Variants in NFIL3 observed in about 807,000 individuals in gnomAD.
NFIL3 encodes nuclear factor, interleukin 3 regulated, also known as nuclear factor interleukin-3-regulated protein.
In NFIL3, 5 loss-of-function variants were observed where a neutral mutation model predicts 10.0. The ratio of observed to expected loss-of-function variants is 0.50; its 90% CI spans 0.26 to 1.06. The LOEUF (loss-of-function observed/expected upper bound fraction) is 1.06. NFIL3 is among the 50% of genes least tolerant of loss of function. NFIL3 has a pLI of 0.13. For synonymous variants in NFIL3, 202 were observed against 206.5 expected, an observed-to-expected ratio of 0.98 and a Z score of 0.19; for missense variants, 436 against 547.6, an observed-to-expected ratio of 0.80 and a Z score of 2.03.
At chr9:91,435,496 AACTTGAGTGCCATTTCATCATGGTCCTC>A in the NFIL3 span, among the ~76,000 whole-genome samples, 1 of 152,174 alleles carries the variant, frequency 6.6e-6, no homozygotes, top group Non-Finnish European at 1.5e-5. Context: ...GTTGAAATGG[AACTTGAGTGCCATTTCATCATGGTCCTC>A]ATGAAGCCTG....
At chr9:91,469,689 T>A in the NFIL3 span, among the ~76,000 whole-genome samples, 1 of 152,196 alleles carries the variant, frequency 6.6e-6, no homozygotes, top group Non-Finnish European at 1.5e-5. Flanking sequence ...GCTCTTATTA[T>A]TTTGAGATAC....
At chr9:91,474,087 T>G in the NFIL3 span, among the ~76,000 whole-genome samples, 7 of 85,080 alleles carry the variant, frequency 8.2e-5, no homozygotes, top group Non-Finnish European at 1.4e-4. Flanking sequence ...AGGGTTTTTG[T>G]TTTTTTTTTT....
chr9:91,439,492 C>G, the NFIL3 span, among the ~76,000 whole-genome samples: 6 of 149,692 alleles, frequency 4.0e-5, no homozygotes, highest in African/African-American at 1.5e-4. Context: ...TTCTAATTGC[C>G]TTTTATTTCT....
At chr9:91,442,098 C>T in the NFIL3 span, among the ~76,000 whole-genome samples, 2 of 151,998 alleles carry the variant, frequency 1.3e-5, no homozygotes, top group Non-Finnish European at 2.9e-5. Context: ...GCTTGAAGAA[C>T]TCCTTTAAGC....
the NFIL3 span, among the ~76,000 whole-genome samples, chr9:91,480,348 T>A: frequency 6.6e-6 from 1 of 152,066 alleles, no homozygotes; most frequent in African/African-American, 2.4e-5. Context: ...GTGTGTGAGC[T>A]TACAGAACGA....
chr9:91,482,372 G>C, the NFIL3 span, among the ~76,000 whole-genome samples: 1 of 151,922 alleles, frequency 6.6e-6, no homozygotes, highest in African/African-American at 2.4e-5. Flanking sequence ...TTATGGCAAA[G>C]AGTACATCTG....
At chr9:91,467,144 ATCTC>A in the NFIL3 span, among the ~76,000 whole-genome samples, 2 of 151,976 alleles carry the variant, frequency 1.3e-5, no homozygotes, top group Admixed American at 6.6e-5. Flanking sequence ...TAAACTAAAT[ATCTC>A]TCTCTGTCTT....
chr9:91,434,114 C>T, the NFIL3 span, among the ~76,000 whole-genome samples: 2 of 152,020 alleles, frequency 1.3e-5, no homozygotes, highest in African/African-American at 4.8e-5. Context: ...TTTTGAGAAA[C>T]TTAAAAAGTT....
chr9:91,419,037 A>C (rs1197178340), intron 1 of NFIL3, among the ~76,000 whole-genome samples: 1 of 152,182 alleles, frequency 6.6e-6, no homozygotes, highest in African/African-American at 2.4e-5. Context: ...ACTCAAATAT[A>C]ATTTAGAAAA....
At chr9:91,432,994 T>C in the NFIL3 span, among the ~76,000 whole-genome samples, 1 of 152,160 alleles carries the variant, frequency 6.6e-6, no homozygotes, top group Non-Finnish European at 1.5e-5. Flanking sequence ...GTCCTTCCTA[T>C]TTAAGTAGGA....
At chr9:91,440,809 T>A in the NFIL3 span, among the ~76,000 whole-genome samples, 10 of 152,246 alleles carry the variant, frequency 6.6e-5, no homozygotes, top group South Asian at 2.1e-3. Context: ...ATGTGTGAGT[T>A]TTTCAAGATA....
the NFIL3 span, among the ~76,000 whole-genome samples, chr9:91,472,410 C>T: frequency 6.6e-6 from 1 of 152,128 alleles, no homozygotes. Context: ...TTTCTTTTTA[C>T]TCTTTTTTCT....
the NFIL3 span, among the ~76,000 whole-genome samples, chr9:91,470,418 C>CTCTTTTTTTCTT: frequency 2.5e-5 from 3 of 119,658 alleles, no homozygotes; most frequent in Non-Finnish European, 5.0e-5. Context: ...TGATTCTTCT[C>CTCTTTTTTTCTT]TATTAGTCTT....
upstream of NFIL3, among the ~76,000 whole-genome samples, chr9:91,428,680 A>C (rs919763182): frequency 6.6e-6 from 1 of 152,252 alleles, no homozygotes; most frequent in Non-Finnish European, 1.5e-5. Context: ...AAATCAGCTG[A>C]TGGTCTGAAT....
the NFIL3 span, among the ~76,000 whole-genome samples, chr9:91,470,399 G>C: frequency 4.5e-5 from 3 of 67,202 alleles, no homozygotes; most frequent in Non-Finnish European, 7.9e-5. Context: ...ATTTTTTATT[G>C]TGTCTATTTG....
At chr9:91,457,802 T>C in the NFIL3 span, among the ~76,000 whole-genome samples, 1 of 152,100 alleles carries the variant, frequency 6.6e-6, no homozygotes, top group African/African-American at 2.4e-5. Flanking sequence ...ATGTTAGCTA[T>C]AGGTTTATTG....
At chr9:91,452,717 G>A in the NFIL3 span, among the ~76,000 whole-genome samples, 1 of 149,710 alleles carries the variant, frequency 6.7e-6, no homozygotes, top group East Asian at 2.0e-4. Context: ...AACTCGGGAG[G>A]CGGAGGTTGC....
At chr9:91,477,163 A>C in the NFIL3 span, among the ~76,000 whole-genome samples, 2 of 152,148 alleles carry the variant, frequency 1.3e-5, no homozygotes, top group Admixed American at 6.5e-5. Context: ...GCTGGGCTGA[A>C]TTCCTGTCTG....
the NFIL3 span, among the ~76,000 whole-genome samples, chr9:91,480,642 G>A: frequency 2.0e-5 from 3 of 152,242 alleles, 1 homozygote; most frequent in South Asian, 6.2e-4. Flanking sequence ...GATGGACTAC[G>A]GGTTTTGAAG....
Sources: gnomAD v4.1 joint callset for allele counts (sites outside exome capture counted in the v4.1 genomes callset) on GRCh38, gnomAD v4.1.1 for gene constraint, MANE v1.5 for transcripts, NCBI Gene and HGNC (gene_info 2026-07-23, HGNC 2026-07-21) for gene names.